The following FILIP1 variants were observed in gnomAD, a reference collection of about 807,000 sequenced individuals.
The protein encoded by FILIP1 is filamin A interacting protein 1.
Under a neutral mutation model 102.1 loss-of-function variants are expected in FILIP1, and 61 were observed. That is an observed-to-expected ratio of 0.60 (90% CI 0.49 to 0.74). The LOEUF (loss-of-function observed/expected upper bound fraction) is 0.74, where lower values mean the gene tolerates loss of function less well. FILIP1 is among the 30% of genes least tolerant of loss of function. The pLI is 0.00. For synonymous variants in FILIP1, 491 were observed against 526.9 expected, an observed-to-expected ratio of 0.93 and a Z score of 0.93; for missense variants, 1,314 against 1,441.2, an observed-to-expected ratio of 0.91 and a Z score of 1.43.
chr6:75,386,029 A>T (rs1273320701), intron 2 of FILIP1: 2 of 152,158 alleles, frequency 1.3e-5, no homozygotes, highest in Non-Finnish European at 2.9e-5. Context: ...TCAGGGAAAG[A>T]ACTTTCTGGA....
At chr6:75,448,852 G>A (rs981651879) in intron 1 of FILIP1, among the ~76,000 whole-genome samples, 1 of 152,040 alleles carries the variant, frequency 6.6e-6, no homozygotes, top group East Asian at 1.9e-4. Context: ...TGGTGTGGAT[G>A]TGGTGGGATA....
At chr6:75,399,484 G>GT (rs947888116) in intron 2 of FILIP1, among the ~76,000 whole-genome samples, 1 of 152,174 alleles carries the variant, frequency 6.6e-6, no homozygotes, top group East Asian at 1.9e-4. Flanking sequence ...ACATTTGTTG[G>GT]TTTTTTTGTG....
At chr6:75,433,031 T>C (rs905609112) in intron 1 of FILIP1, among the ~76,000 whole-genome samples, 4 of 152,252 alleles carry the variant, frequency 2.6e-5, no homozygotes, top group Non-Finnish European at 4.4e-5. Context: ...GGCTGCATAG[T>C]ATTCCATGGT....
chr6:75,464,229 C>T (rs1779104751), intron 1 of FILIP1, among the ~76,000 whole-genome samples: 1 of 152,140 alleles, frequency 6.6e-6, no homozygotes, highest in Admixed American at 6.5e-5. Context: ...AAATTAACAT[C>T]AAGATTTTCT....
At chr6:75,450,240 A>T (rs961536000) in intron 1 of FILIP1, among the ~76,000 whole-genome samples, 2 of 152,148 alleles carry the variant, frequency 1.3e-5, no homozygotes, top group Non-Finnish European at 2.9e-5. Flanking sequence ...GGCCTCTCAA[A>T]GTGCTGGGAT....
chr6:75,355,570 T>C (rs1774965387), intron 3 of FILIP1, among the ~76,000 whole-genome samples: 1 of 151,902 alleles, frequency 6.6e-6, no homozygotes, highest in African/African-American at 2.4e-5. Flanking sequence ...GTCCAGCTAA[T>C]TTTTGTATTT....
chr6:75,300,107 C>T (rs1562419147), intron 6 of FILIP1, among the ~76,000 whole-genome samples: 1 of 152,088 alleles, frequency 6.6e-6, no homozygotes, highest in Non-Finnish European at 1.5e-5. Context: ...TGCAAAGGAA[C>T]ACTTGAGCTC....
chr6:75,296,477 TA>T (rs1240597755), intron 6 of FILIP1: 3 of 82,492 alleles, frequency 3.6e-5, no homozygotes, highest in African/African-American at 1.0e-4. Flanking sequence ...TCTATATGTT[TA>T]TTATTATTAT....
At chr6:75,352,801 A>G (rs968029595) in intron 4 of FILIP1, among the ~76,000 whole-genome samples, 1 of 151,904 alleles carries the variant, frequency 6.6e-6, no homozygotes, top group Non-Finnish European at 1.5e-5. Context: ...AATAGAAAGC[A>G]ATTTGTAGAA....
At chr6:75,378,790 G>C (rs183663802) in intron 2 of FILIP1, among the ~76,000 whole-genome samples, 16 of 152,238 alleles carry the variant, frequency 1.1e-4, no homozygotes, top group Admixed American at 1.0e-3. Flanking sequence ...GACAAATATA[G>C]TAATGAGAAA....
At chr6:75,298,849 C>T (rs747705332) in intron 6 of FILIP1, among the ~76,000 whole-genome samples, 9 of 151,950 alleles carry the variant, frequency 5.9e-5, no homozygotes, top group Admixed American at 1.3e-4. Context: ...ATCCAGGAGG[C>T]GGAAGTTGCA....
intron 2 of FILIP1, among the ~76,000 whole-genome samples, chr6:75,365,115 G>A (rs938503010): frequency 6.6e-6 from 1 of 152,022 alleles, no homozygotes; most frequent in East Asian, 1.9e-4. Context: ...TGAAGTAAAG[G>A]CCATTTTCTA....
At chr6:75,415,023 T>C (rs780949135) in intron 1 of FILIP1, 45 bp from the exon 2 acceptor site, 41 of 1,550,210 alleles carry the variant, frequency 2.6e-5, no homozygotes, top group Non-Finnish European at 3.5e-5. Flanking sequence ...TTTACCACCA[T>C]CAAAATTATT....
chr6:75,311,621 C>T (rs544910236), intron 5 of FILIP1, among the ~76,000 whole-genome samples: 41 of 152,194 alleles, frequency 2.7e-4, no homozygotes, highest in African/African-American at 5.3e-4. Flanking sequence ...CTCAGCCTCC[C>T]AAGTAGCTGG....
At chr6:75,468,104 G>C (rs1358519662) in intron 1 of FILIP1, among the ~76,000 whole-genome samples, 1 of 152,198 alleles carries the variant, frequency 6.6e-6, no homozygotes, top group Non-Finnish European at 1.5e-5. Context: ...CCAGGAGCTA[G>C]TCTGTGACGC....
intron 4 of FILIP1, among the ~76,000 whole-genome samples, chr6:75,328,853 C>T (rs1026886698): frequency 6.6e-6 from 1 of 152,314 alleles, no homozygotes; most frequent in East Asian, 1.9e-4. Flanking sequence ...CCAGTCTCAG[C>T]TCCCTTGGCC....
intron 2 of FILIP1, among the ~76,000 whole-genome samples, chr6:75,371,797 C>A (rs909096783): frequency 1.3e-5 from 2 of 152,082 alleles, no homozygotes; most frequent in Non-Finnish European, 2.9e-5. Context: ...CTTTTCCTTG[C>A]AGCATATACA....
intron 1 of FILIP1, among the ~76,000 whole-genome samples, chr6:75,433,155 T>C (rs1438187883): frequency 2.0e-5 from 3 of 152,254 alleles, no homozygotes; most frequent in African/African-American, 7.2e-5. Context: ...CATGTGTCTT[T>C]ATAGCAGCAT....
At chr6:75,399,841 T>C (rs1186165536) in intron 2 of FILIP1, among the ~76,000 whole-genome samples, 1 of 152,246 alleles carries the variant, frequency 6.6e-6, no homozygotes, top group Non-Finnish European at 1.5e-5. Context: ...TTTTAATCTT[T>C]GTATTATGAA....
Sources: allele counts gnomAD v4.1 joint callset (sites outside exome capture counted in the v4.1 genomes callset), GRCh38; gene constraint gnomAD v4.1.1; transcripts MANE v1.5; gene names NCBI Gene and HGNC (gene_info 2026-07-23, HGNC 2026-07-21).